PIK3R4: variants seen among roughly 807,000 people sequenced by gnomAD.
PIK3R4 encodes phosphoinositide 3-kinase regulatory subunit 4.
Under a neutral mutation model 136.5 loss-of-function variants are expected in PIK3R4, and 46 were observed. That is an observed-to-expected ratio of 0.34 (90% CI 0.27 to 0.43). The LOEUF (loss-of-function observed/expected upper bound fraction) is 0.43, where lower values mean the gene tolerates loss of function less well. Ranked by LOEUF, PIK3R4 falls within the 20% of genes least tolerant of loss-of-function variation. The probability of loss-of-function intolerance (pLI) is 1.00; values close to 1 mark genes in which losing one functional copy is unlikely to be tolerated. For missense variants in PIK3R4, 1,331 were observed against 1,649.5 expected, an observed-to-expected ratio of 0.81 and a Z score of 3.35; for synonymous variants, 557 against 566.7, an observed-to-expected ratio of 0.98 and a Z score of 0.24.
chr3:130,718,494 A>G lies in PIK3R4; in HGVS notation c.2022T>C (p.Gly674=). Residue 674 remains glycine, a synonymous_variant, in exon 8 of 20, where the codon GGT becomes GGC. Transcript: ENST00000356763. ...CTACCACTGTGATAAATCCCACGGC[A>G]CCATAACGTATCCATAAATTGGGAT... ...LCHPNLWIRY[G]AVGFITVVAR... 1 of 1,613,956 alleles carries G rather than the reference A, an allele frequency of 6.2e-7. No homozygotes were observed. The highest frequency in any genetic ancestry group is 8.5e-7 in the Non-Finnish European group (1 of 1,179,854).
At chr3:130,680,026 G>T (rs945357555) in intron 19 of PIK3R4, among the ~76,000 whole-genome samples, 1 of 124,020 alleles carries the variant, frequency 8.1e-6, no homozygotes, top group Non-Finnish European at 1.6e-5. Flanking sequence ...AGTGAGCAGA[G>T]ATCGTGCCAC....
intron 13 of PIK3R4, among the ~76,000 whole-genome samples, chr3:130,697,287 A>T (rs1185438730): frequency 6.6e-6 from 1 of 151,952 alleles, no homozygotes; most frequent in Admixed American, 6.6e-5. Context: ...TGGCCAGGCT[A>T]GTCTCGAACT....
At chr3:130,730,232 C>T in intron 5 of PIK3R4, 76 bp downstream of exon 5, 1 of 1,213,160 alleles carries the variant, frequency 8.2e-7, no homozygotes, top group South Asian at 1.3e-5. Flanking sequence ...ATGAAAACTA[C>T]AAATGATAGT....
intron 9 of PIK3R4, among the ~76,000 whole-genome samples, chr3:130,715,529 T>C (rs974024192): frequency 1.3e-5 from 2 of 152,236 alleles, no homozygotes; most frequent in African/African-American, 2.4e-5. Context: ...AAGCTTTTTT[T>C]CATATGTTTG....
chr3:130,687,261 G>A (rs2066495365), intron 14 of PIK3R4, among the ~76,000 whole-genome samples: 1 of 152,092 alleles, frequency 6.6e-6, no homozygotes, highest in Non-Finnish European at 1.5e-5. Flanking sequence ...ATAAAGTCAG[G>A]TGTGGAATTT....
chr3:130,714,459 C>T (rs1033354815), intron 9 of PIK3R4, among the ~76,000 whole-genome samples: 3 of 152,074 alleles, frequency 2.0e-5, no homozygotes, highest in Non-Finnish European at 4.4e-5. Flanking sequence ...CTGGCCTAGA[C>T]TTCATGTATT....
At chr3:130,737,099 A>C (rs1008913285) in intron 2 of PIK3R4, among the ~76,000 whole-genome samples, 5 of 152,156 alleles carry the variant, frequency 3.3e-5, no homozygotes, top group African/African-American at 1.2e-4. Context: ...CTCTACCTAG[A>C]ATGCTATTCC....
chr3:130,738,523 A>C (rs1334110353), intron 2 of PIK3R4, among the ~76,000 whole-genome samples: 7 of 152,194 alleles, frequency 4.6e-5, no homozygotes, highest in Non-Finnish European at 4.4e-5. Context: ...TGGCTTTGTC[A>C]GCTGTAAGAG....
At chr3:130,701,551 A>G (rs1339861415) in intron 13 of PIK3R4, among the ~76,000 whole-genome samples, 1 of 151,954 alleles carries the variant, frequency 6.6e-6, no homozygotes, top group Non-Finnish European at 1.5e-5. Flanking sequence ...AAAAATCAAA[A>G]GAATGGTAGT....
At chr3:130,711,958 C>T (rs2066635042) in intron 9 of PIK3R4, among the ~76,000 whole-genome samples, 1 of 152,140 alleles carries the variant, frequency 6.6e-6, no homozygotes, top group African/African-American at 2.4e-5. Context: ...AAAAATGTAA[C>T]TCATTTTTTA....
At chr3:130,708,156 G>A (rs751873843) in intron 10 of PIK3R4, 135 bp downstream of exon 10, 1 of 684,492 alleles carries the variant, frequency 1.5e-6, no homozygotes, top group Non-Finnish European at 2.4e-6. Context: ...TCCCTGCTAA[G>A]TAATGGAGTC....
intron 6 of PIK3R4, among the ~76,000 whole-genome samples, chr3:130,725,473 TC>T (rs1223223421): frequency 6.7e-6 from 1 of 150,072 alleles, no homozygotes; most frequent in African/African-American, 2.5e-5. Flanking sequence ...AAAATAAAGA[TC>T]AATTAAACAG....
At position 130,679,372 on chromosome 3, in the gene PIK3R4, G is replaced by A; in HGVS notation, c.4020C>T (p.Thr1340=). 4 of 1,613,276 alleles carry A rather than the reference G, an allele frequency of 2.5e-6. No individual in the cohort carries two copies. Among genetic ancestry groups the A allele is most frequent in the Non-Finnish European group, 3.4e-6 (4 of 1,179,398 alleles). The part of the protein sequence containing the change: ...DIITDVATFQ[T]TQGFIVTASR... ...AAGCAGTTACGATGAAGCCCTGTGT[G>A]GTCTGGAATGTGGCGACATCAGTGA... Residue 1340 remains threonine, a synonymous_variant, in exon 20 of 20, where the codon ACC becomes ACT. Transcript: ENST00000356763.
chr3:130,681,129 A>T, intron 17 of PIK3R4, 64 bp from the exon 18 acceptor site: 1 of 927,362 alleles, frequency 1.1e-6, no homozygotes, highest in Non-Finnish European at 1.8e-6. Context: ...TGATAGTGCT[A>T]TTTCTAGAGG....
intron 13 of PIK3R4, among the ~76,000 whole-genome samples, chr3:130,700,058 T>C (rs2066567069): frequency 6.6e-6 from 1 of 152,232 alleles, no homozygotes. Context: ...ACATATTCTT[T>C]TCATAAGTTT....
rs60432343 is a variant in PIK3R4 at position 130,697,063 on chromosome 3, C to CTTTTTTTTT, written c.3099-6418_3099-6410dup. Among the ~76,000 whole-genome samples the CTTTTTTTTT allele has an allele frequency of 2.7e-4, 20 of 73,070 alleles. 1 individual carries two copies. The highest frequency in any genetic ancestry group is 4.8e-4 in the East Asian group (1 of 2,074). The allele number at this position is 73,070 out of a possible 152,430, so 47.9% of individuals were successfully genotyped here. A position where few individuals can be genotyped will look rare whatever the true frequency, so the allele number is the denominator to read the frequency against. Reference sequence around the variant, plus strand: ...TTCTATCTGACATTGGCCACTCCAGCTTTTTTTTTTTTTTTTTTTTTTTTT... The same window carrying CTTTTTTTTT: ...TTCTATCTGACATTGGCCACTCCAGCTTTTTTTTTTTTTTTTTTTTTTTTTTTTTTTTTT... On this transcript the variant is annotated intron_variant, in intron 13 of 19. Transcript: ENST00000356763.
chr3:130,716,186 T>G (rs1296466115), intron 9 of PIK3R4, among the ~76,000 whole-genome samples: 1 of 152,236 alleles, frequency 6.6e-6, no homozygotes, highest in Non-Finnish European at 1.5e-5. Context: ...CCATGATTCC[T>G]TATTTAGCTT....
intron 2 of PIK3R4, among the ~76,000 whole-genome samples, chr3:130,743,724 T>C (rs949192278): frequency 6.6e-6 from 1 of 152,200 alleles, no homozygotes; most frequent in Non-Finnish European, 1.5e-5. Context: ...GCCACAATCT[T>C]AAGCCGGTCA....
At chr3:130,694,436 CTTCT>C (rs1231147658) in intron 13 of PIK3R4, among the ~76,000 whole-genome samples, 3 of 151,878 alleles carry the variant, frequency 2.0e-5, no homozygotes, top group South Asian at 2.1e-4. Flanking sequence ...TCATTTGAGT[CTTCT>C]TTAATTTCTT....
Sources: gnomAD v4.1 joint callset for allele counts (sites outside exome capture counted in the v4.1 genomes callset) on GRCh38, gnomAD v4.1.1 for gene constraint, MANE v1.5 for transcripts, NCBI Gene and HGNC (gene_info 2026-07-23, HGNC 2026-07-21) for gene names.